The following TASP1 variants were observed in gnomAD, a reference collection of about 807,000 sequenced individuals.
TASP1 encodes the protein threonine aspartase 1.
A neutral mutation model predicts 56.6 loss-of-function variants in TASP1; 16 were observed. The observed-to-expected ratio is 0.28, with a 90% CI of 0.19 to 0.43. TASP1 has a LOEUF of 0.43. Among genes scored for constraint, TASP1 ranks in the 20% least tolerant of loss-of-function variants. The pLI is 1.00. For missense variants in TASP1, 393 were observed against 511.6 expected (o/e 0.77, Z 2.24); for synonymous variants, 179 against 184.2 (o/e 0.97, Z 0.23).
downstream of TASP1, among the ~76,000 whole-genome samples, chr20:13,387,832 T>C (rs2041175987): frequency 1.3e-5 from 2 of 152,190 alleles, no homozygotes; most frequent in South Asian, 4.1e-4. Context: ...TTAGACATGG[T>C]AATTAGAAGG....
At chr20:13,392,898 C>T (rs1293947976) in intron 13 of TASP1, 1 of 651,308 alleles carries the variant, frequency 1.5e-6, no homozygotes, top group Admixed American at 1.8e-5. Flanking sequence ...ATCCCATCAG[C>T]ATCTTTCAGG....
chr20:13,323,720 A>G, the TASP1 span, among the ~76,000 whole-genome samples: 1 of 152,202 alleles, frequency 6.6e-6, no homozygotes, highest in Non-Finnish European at 1.5e-5. Flanking sequence ...TACTAAAAGA[A>G]TGTTCTTAAA....
chr20:13,112,141 G>T, the TASP1 span, among the ~76,000 whole-genome samples: 1 of 152,228 alleles, frequency 6.6e-6, no homozygotes, highest in Non-Finnish European at 1.5e-5. Context: ...GCTACCGTGG[G>T]TTGTGTGGAC....
the TASP1 span, among the ~76,000 whole-genome samples, chr20:13,326,210 G>A: frequency 6.6e-5 from 10 of 152,156 alleles, no homozygotes; most frequent in African/African-American, 1.9e-4. Context: ...TTATCCACTC[G>A]CCTACTAAAG....
rs12479746 is a variant in TASP1, at chr20:13,498,274, C to G, written c.875-14937G>C. Among the ~76,000 whole-genome samples the G allele has an allele frequency of 5.1e-3, 768 of 151,202 alleles. 4 individuals are homozygous for G. Among genetic ancestry groups the G allele is most frequent in the East Asian group, 0.012 (60 of 5,144 alleles). ...GGAACTTAACTCAATAAACTAAAAACAAAAAATCCCATTAAAAAGTAGGCA... is the reference window on the plus strand; with the variant it reads ...GGAACTTAACTCAATAAACTAAAAAGAAAAAATCCCATTAAAAAGTAGGCA... On this transcript the variant is annotated intron_variant, in intron 10 of 13. Transcript: ENST00000337743.
At chr20:13,198,355 C>T in the TASP1 span, among the ~76,000 whole-genome samples, 2 of 152,176 alleles carry the variant, frequency 1.3e-5, no homozygotes, top group South Asian at 2.1e-4. Context: ...GCTGACTTCT[C>T]GTTGTATCCC....
intron 7 of TASP1, among the ~76,000 whole-genome samples, chr20:13,567,788 A>G (rs966256747): frequency 2.0e-5 from 3 of 152,296 alleles, no homozygotes; most frequent in Middle Eastern, 6.8e-3. Context: ...AGGAAGAAAA[A>G]CACATGAGAT....
chr20:13,104,833 C>G, the TASP1 span, among the ~76,000 whole-genome samples: 11 of 152,194 alleles, frequency 7.2e-5, no homozygotes, highest in South Asian at 2.3e-3. Context: ...ATTAAATCAA[C>G]AAGAACAGGT....
At chr20:13,281,268 GC>G in the TASP1 span, among the ~76,000 whole-genome samples, 2 of 152,152 alleles carry the variant, frequency 1.3e-5, no homozygotes, top group African/African-American at 4.8e-5. Flanking sequence ...GCAAAATAGT[GC>G]CATGGTAGAG....
intron 10 of TASP1, among the ~76,000 whole-genome samples, chr20:13,522,734 G>A (rs2044813030): frequency 6.6e-6 from 1 of 152,104 alleles, no homozygotes; most frequent in Non-Finnish European, 1.5e-5. Context: ...ATGGTACTTA[G>A]CCATCAGACT....
chr20:13,309,287 A>G, the TASP1 span, among the ~76,000 whole-genome samples: 1 of 144,576 alleles, frequency 6.9e-6, no homozygotes, highest in East Asian at 2.0e-4. Flanking sequence ...TTATTTCTTT[A>G]AAAAAAAAAA....
chr20:13,343,640 T>C, the TASP1 span, among the ~76,000 whole-genome samples: 223 of 132,322 alleles, frequency 1.7e-3, no homozygotes, highest in Non-Finnish European at 2.4e-3. Context: ...GTGCTTCAGA[T>C]GTGAAGATGG....
chr20:13,287,158 G>A, the TASP1 span, among the ~76,000 whole-genome samples: 4 of 152,166 alleles, frequency 2.6e-5, no homozygotes, highest in East Asian at 1.9e-4. Flanking sequence ...AGACATACCC[G>A]AGACTGGGTA....
the TASP1 span, among the ~76,000 whole-genome samples, chr20:13,247,517 G>GT: frequency 7.2e-6 from 1 of 139,806 alleles, no homozygotes; most frequent in African/African-American, 2.7e-5. Flanking sequence ...CAAAGTGAGG[G>GT]GTGTGTGTGT....
the TASP1 span, among the ~76,000 whole-genome samples, chr20:13,193,514 C>T: frequency 2.0e-5 from 3 of 152,190 alleles, no homozygotes; most frequent in African/African-American, 4.8e-5. Context: ...CATGAAATAG[C>T]TCTAGATATT....
intron 1 of TASP1, among the ~76,000 whole-genome samples, chr20:13,634,025 C>T (rs903884731): frequency 5.9e-5 from 9 of 152,140 alleles, no homozygotes; most frequent in Admixed American, 3.3e-4. Flanking sequence ...ATGCTATGAC[C>T]CAAGAATTCC....
At chr20:13,360,097 T>G in the TASP1 span, among the ~76,000 whole-genome samples, 2 of 152,084 alleles carry the variant, frequency 1.3e-5, no homozygotes, top group Non-Finnish European at 2.9e-5. Flanking sequence ...CTGCGCCTTA[T>G]CGACCAAATT....
At chr20:13,558,497 AT>A (rs1415487907) in intron 8 of TASP1, among the ~76,000 whole-genome samples, 1 of 152,116 alleles carries the variant, frequency 6.6e-6, no homozygotes, top group Non-Finnish European at 1.5e-5. Context: ...GGAAAGCTGA[AT>A]TTTTAATTTT....
chr20:13,588,671 A>G (rs2047411073), intron 4 of TASP1, among the ~76,000 whole-genome samples: 1 of 152,192 alleles, frequency 6.6e-6, no homozygotes. Context: ...TTCAATACCT[A>G]AATAGGTGGA....
Sources: gnomAD v4.1 joint callset for allele counts (sites outside exome capture counted in the v4.1 genomes callset) on GRCh38, gnomAD v4.1.1 for gene constraint, MANE v1.5 for transcripts, NCBI Gene and HGNC (gene_info 2026-07-23, HGNC 2026-07-21) for gene names.